The following TAB2 variants were observed in gnomAD, a reference collection of about 807,000 sequenced individuals.
TAB2 encodes the protein TGF-beta-activated kinase 1 and MAP3K7-binding protein 2.
TAB2 carries 3 observed loss-of-function variants against 65.0 expected under a neutral mutation model. The ratio of observed to expected loss-of-function variants is 0.05; its 90% confidence interval spans 0.02 to 0.12. The LOEUF is 0.12. Ranked by LOEUF, TAB2 falls within the 10% of genes least tolerant of loss-of-function variation. TAB2 has a pLI of 1.00. For synonymous variants in TAB2, 298 were observed against 285.1 expected, an observed-to-expected ratio of 1.05 and a Z score of -0.46; for missense variants, 623 against 840.3, an observed-to-expected ratio of 0.74 and a Z score of 3.20.
chr6:149,397,908 C>A (rs1782229721), intron 4 of TAB2, 61 bp from the exon 5 acceptor site: 3 of 1,583,938 alleles, frequency 1.9e-6, no homozygotes, highest in Non-Finnish European at 2.6e-6. Flanking sequence ...AAACTCCATT[C>A]TTTATTAACT....
intron 1 of TAB2, among the ~76,000 whole-genome samples, chr6:149,357,430 A>AAAAAAAAAAAAACACACACAC: frequency 9.0e-6 from 1 of 111,186 alleles, no homozygotes; most frequent in African/African-American, 3.4e-5. Flanking sequence ...AGAAAAAAAA[A>AAAAAAAAAAAAACACACACAC]ACACACACAC....
intron 6 of TAB2, chr6:149,400,106 T>G: frequency 2.3e-6 from 1 of 430,134 alleles, no homozygotes; most frequent in East Asian, 3.7e-5. Flanking sequence ...TAGTAAGTCC[T>G]CACTTATTAG....
intron 1 of TAB2, among the ~76,000 whole-genome samples, chr6:149,263,701 A>G (rs1778201772): frequency 1.3e-5 from 2 of 152,254 alleles, no homozygotes; most frequent in African/African-American, 2.4e-5. Flanking sequence ...AATACAGAGT[A>G]ACTTAATAGG....
intron 1 of TAB2, among the ~76,000 whole-genome samples, chr6:149,333,963 A>G (rs183672509): frequency 6.3e-4 from 96 of 152,324 alleles, no homozygotes; most frequent in African/African-American, 2.3e-3. Context: ...AGTCTCGTAT[A>G]GAGGTGCCTG....
At chr6:149,335,415 G>A (rs1779904878) in intron 1 of TAB2, among the ~76,000 whole-genome samples, 1 of 151,914 alleles carries the variant, frequency 6.6e-6, no homozygotes, top group Non-Finnish European at 1.5e-5. Context: ...CACCCAGGCT[G>A]GAGGGCAGTG....
chr6:149,225,927 G>C (rs1777264302), intron 1 of TAB2, among the ~76,000 whole-genome samples: 1 of 151,942 alleles, frequency 6.6e-6, no homozygotes, highest in Admixed American at 6.6e-5. Context: ...AGTTCAAGCA[G>C]AATAAGCAAG....
At chr6:149,272,400 G>A (rs965913485) in intron 1 of TAB2, among the ~76,000 whole-genome samples, 1 of 152,184 alleles carries the variant, frequency 6.6e-6, no homozygotes. Context: ...GTGGTGACAG[G>A]GTCATGTTCC....
chr6:149,402,190 G>A (rs1385800269), intron 6 of TAB2, among the ~76,000 whole-genome samples: 2 of 151,740 alleles, frequency 1.3e-5, no homozygotes, highest in African/African-American at 4.8e-5. Context: ...CAAACCCTTA[G>A]CTAGATAAAT....
chr6:149,323,026 A>T (rs902469133), intron 1 of TAB2, among the ~76,000 whole-genome samples: 1 of 152,120 alleles, frequency 6.6e-6, no homozygotes, highest in Admixed American at 6.5e-5. Flanking sequence ...TTTACTTCAC[A>T]TTATTTTCAG....
intron 1 of TAB2, among the ~76,000 whole-genome samples, chr6:149,277,971 T>C (rs1369666981): frequency 6.6e-6 from 1 of 152,210 alleles, no homozygotes; most frequent in African/African-American, 2.4e-5. Flanking sequence ...ATATTAATGA[T>C]ATAAATTAAT....
intron 3 of TAB2, 137 bp downstream of exon 3, chr6:149,379,655 T>C (rs1403168178): frequency 7.6e-6 from 6 of 787,952 alleles, no homozygotes; most frequent in Admixed American, 4.2e-5. Flanking sequence ...TTGTAACATT[T>C]GAGAGTATTA....
rs543141886 is a variant in TAB2, at chr6:149,300,779, A to G, written c.-120-77239A>G. Among the ~76,000 whole-genome samples the G allele has an allele frequency of 3.0e-4, 46 of 152,296 alleles. No individual in the cohort carries two copies. In the Middle Eastern group the frequency reaches 0.01, roughly 34 times the overall value. ...AGGGAAGAGTTGGCAGAAGGCCAGGAGAGCACTGGGGGGGTGAAAGGAGTC... is the reference window on the plus strand; with the variant it reads ...AGGGAAGAGTTGGCAGAAGGCCAGGGGAGCACTGGGGGGGTGAAAGGAGTC... On this transcript the variant is annotated intron_variant, in intron 1 of 1. Transcript: ENST00000606202.
At chr6:149,236,630 A>C (rs1301247366) in intron 1 of TAB2, among the ~76,000 whole-genome samples, 1 of 152,218 alleles carries the variant, frequency 6.6e-6, no homozygotes, top group Non-Finnish European at 1.5e-5. Flanking sequence ...AGTAATAGGA[A>C]TGTCTACCTT....
chr6:149,283,833 T>C (rs1207578279), intron 1 of TAB2, among the ~76,000 whole-genome samples: 4 of 152,306 alleles, frequency 2.6e-5, no homozygotes, highest in Middle Eastern at 3.4e-3. Flanking sequence ...TATAATTACA[T>C]GTGTGTATTA....
intron 1 of TAB2, among the ~76,000 whole-genome samples, chr6:149,234,047 A>G (rs1274587470): frequency 3.9e-5 from 6 of 152,194 alleles, no homozygotes; most frequent in African/African-American, 1.4e-4. Flanking sequence ...ACCTTTTAAT[A>G]ATAATAATCA....
intron 1 of TAB2, among the ~76,000 whole-genome samples, chr6:149,339,617 T>C (rs1319132507): frequency 2.1e-5 from 3 of 145,168 alleles, no homozygotes; most frequent in African/African-American, 7.6e-5. Flanking sequence ...TTTTTTTTTT[T>C]TTTGAGACGG....
chr6:149,230,807 G>T (rs939336142), intron 1 of TAB2, among the ~76,000 whole-genome samples: 1 of 152,154 alleles, frequency 6.6e-6, no homozygotes, highest in African/African-American at 2.4e-5. Flanking sequence ...ATTGGACCCC[G>T]CTTTTGACAC....
chr6:149,410,716 A>G lies in TAB2; in HGVS notation c.*997A>G, dbSNP rs1460301928. On this transcript the variant is annotated 3_prime_UTR_variant, in exon 7 of 7. Transcript: ENST00000637181. ...TACTGACTTGAGCAGTGGGTGACAC[A>G]ACACAGTGTTTGTCTTCCACAGGGA... 1 of 152,652 alleles carries G rather than the reference A, an allele frequency of 6.6e-6. No individual in the cohort carries two copies. 9.5% of individuals were successfully genotyped at this position (152,652 alleles called of 1,614,324 possible).
intron 1 of TAB2, among the ~76,000 whole-genome samples, chr6:149,351,065 G>C (rs1007849230): frequency 6.6e-6 from 1 of 151,902 alleles, no homozygotes; most frequent in African/African-American, 2.4e-5. Flanking sequence ...ACGATCCCCA[G>C]AATCTGCCTT....
Sources: gnomAD v4.1 joint callset for allele counts (sites outside exome capture counted in the v4.1 genomes callset) on GRCh38, gnomAD v4.1.1 for gene constraint, MANE v1.5 for transcripts, NCBI Gene and HGNC (gene_info 2026-07-23, HGNC 2026-07-21) for gene names.